The following CASP2 variants were observed in gnomAD, a reference collection of about 807,000 sequenced individuals.
The protein encoded by CASP2 is caspase-2.
Under a neutral mutation model 54.4 loss-of-function variants are expected in CASP2, and 38 were observed. The ratio of observed to expected loss-of-function variants is 0.70; its 90% CI spans 0.54 to 0.92. The LOEUF is 0.92. Among genes scored for constraint, CASP2 ranks in the 40% least tolerant of loss-of-function variants. The pLI, the probability that CASP2 is intolerant of heterozygous loss-of-function variation, is 0.00. For missense variants in CASP2, 512 were observed against 579.6 expected (o/e 0.88, Z 1.20); for synonymous variants, 215 against 216.3 (o/e 0.99, Z 0.05).
At chr7:143,303,598 A>C in intron 8 of CASP2, 186 bp from the exon 9 acceptor site, 1 of 538,926 alleles carries the variant, frequency 1.9e-6, no homozygotes. Flanking sequence ...CCTGAGTAAC[A>C]GATGCATGCT....
chr7:143,298,239 G>T (rs184189036), intron 6 of CASP2, among the ~76,000 whole-genome samples: 91 of 152,328 alleles, frequency 6.0e-4, no homozygotes, highest in African/African-American at 2.1e-3. Context: ...TTGGCAGTGT[G>T]TGTGATTAAA....
intron 6 of CASP2, among the ~76,000 whole-genome samples, chr7:143,298,279 A>G (rs1159988895): frequency 6.6e-6 from 1 of 152,358 alleles, no homozygotes; most frequent in East Asian, 1.9e-4. Context: ...TTCCACCCAG[A>G]TAACTTACTT....
At chr7:143,302,623 C>T (rs1801947765) in intron 8 of CASP2, 1 of 152,196 alleles carries the variant, frequency 6.6e-6, no homozygotes, top group Non-Finnish European at 1.5e-5. Context: ...TAAACCTGTG[C>T]TTTGGTCCTT....
chr7:143,292,215 G>A, intron 2 of CASP2, 85 bp from the exon 3 acceptor site: 1 of 1,363,188 alleles, frequency 7.3e-7, no homozygotes, highest in Non-Finnish European at 1.0e-6. Flanking sequence ...TCTTGGATGA[G>A]GACACTACTA....
In CASP2 at chr7:143,303,778, T is replaced by C. The variant is rs758218020; in HGVS notation, c.968-6T>C. ...TCATTGTCCATTCTGTCTGCCTTTG[T>C]TACAGATGAGACTGATCGTGGGGTT... On this transcript the variant is annotated splice_polypyrimidine_tract_variant and splice_region_variant and intron_variant, in intron 8 of 10. Transcript: ENST00000310447. The C allele has an allele frequency of 7.9e-5, 127 of 1,613,618 alleles. No homozygotes were observed. Among genetic ancestry groups the C allele is most frequent in the Non-Finnish European group, 1.1e-4 (127 of 1,179,716 alleles).
At chr7:143,300,456 T>C (rs893493434) in intron 8 of CASP2, 162 bp downstream of exon 8, 2 of 1,595,874 alleles carry the variant, frequency 1.3e-6, no homozygotes, top group Admixed American at 1.7e-5. Context: ...TGTCTCCCAA[T>C]GCATGGGGTG....
Position 143,305,154 on chromosome 7 carries a change from G to C in CASP2, c.*83G>C, listed in dbSNP as rs918680248. Reference sequence around the variant, plus strand: ...AGAGCCTTTGATCTTCAGGATGCACGGTTTCTGTTCTGCCCCCTCAGGGAT... The same window carrying C: ...AGAGCCTTTGATCTTCAGGATGCACCGTTTCTGTTCTGCCCCCTCAGGGAT... On this transcript the variant is annotated 3_prime_UTR_variant, in exon 11 of 11. Transcript: ENST00000310447. The C allele has an allele frequency of 2.0e-5, 31 of 1,555,782 alleles. No homozygotes were observed. The highest frequency in any genetic ancestry group is 8.0e-6 in the Non-Finnish European group (9 of 1,130,372).
Position 143,305,122 on chromosome 7 carries a change from G to A in CASP2, c.*51G>A. On this transcript the variant is annotated 3_prime_UTR_variant, in exon 11 of 11. Transcript: ENST00000310447. ...AGTGGAAGCCACTGGACCACAGGAG[G>A]TGTGATAGAGCCTTTGATCTTCAGG... The A allele has an allele frequency of 1.2e-6, 2 of 1,610,236 alleles. No individual in the cohort carries two copies. The highest frequency in any genetic ancestry group is 1.7e-6 in the Non-Finnish European group (2 of 1,176,682).
intron 6 of CASP2, among the ~76,000 whole-genome samples, chr7:143,296,193 A>G (rs1421411894): frequency 2.6e-5 from 4 of 152,216 alleles, no homozygotes; most frequent in Admixed American, 2.6e-4. Flanking sequence ...CATAAATAGC[A>G]TTTCCATTTA....
intron 5 of CASP2, 49 bp downstream of exon 5, chr7:143,294,373 C>T (rs756482903): frequency 1.5e-6 from 2 of 1,302,558 alleles, no homozygotes; most frequent in African/African-American, 1.5e-5. Flanking sequence ...AAATTAGACA[C>T]CCTTCCTGGG....
At chr7:143,290,981 G>C (rs997395254) in intron 1 of CASP2, 6 of 160,006 alleles carry the variant, frequency 3.7e-5, no homozygotes, top group Admixed American at 6.0e-5. Context: ...ATCTTAACAG[G>C]ATTCGCCATT....
Position 143,305,180 on chromosome 7 carries a change from G to A in CASP2, c.*109G>A, listed in dbSNP as rs1329954156. On this transcript the variant is annotated 3_prime_UTR_variant, in exon 11 of 11. Coordinates refer to ENST00000310447, the MANE Select transcript of CASP2 (RefSeq NM_032982.4). The stretch of plus-strand genomic sequence containing the variant: ...GTTTCTGTTCTGCCCCCTCAGGGAT[G>A]TGGGAATCTCCCAGACTTGTTTCCT... 2 of 1,393,298 alleles carry A rather than the reference G, an allele frequency of 1.4e-6. No individual in the cohort carries two copies. Among genetic ancestry groups the A allele is most frequent in the Middle Eastern group, 2.0e-4 (1 of 4,960 alleles). 86.3% of individuals were successfully genotyped at this position (1,393,298 alleles called of 1,614,324 possible). A position where few individuals can be genotyped will look rare whatever the true frequency, so the allele number is the denominator to read the frequency against.
chr7:143,289,592 G>A, intron 1 of CASP2: 4 of 981,590 alleles, frequency 4.1e-6, no homozygotes, highest in Non-Finnish European at 4.8e-6. Flanking sequence ...GAAACCAGAG[G>A]AAGAGAACGA....
intron 1 of CASP2, among the ~76,000 whole-genome samples, chr7:143,291,338 C>A (rs905741389): frequency 1.3e-5 from 2 of 152,190 alleles, no homozygotes; most frequent in African/African-American, 4.8e-5. Context: ...GAACATAAAC[C>A]ATAAGGAATT....
chr7:143,292,115 C>G (rs1029619977), intron 2 of CASP2, among the ~76,000 whole-genome samples, 185 bp from the exon 3 acceptor site: 10 of 152,066 alleles, frequency 6.6e-5, no homozygotes, highest in African/African-American at 2.4e-4. Flanking sequence ...AAATGCCCTT[C>G]TACCGTAGAG....
At position 143,293,114 on chromosome 7, in the gene CASP2, GTT is replaced by G. The variant is rs11287848; in HGVS notation, c.475+430_475+431del. ...TGTCCTAACATGAGCCCTTTTTTTT[GTT>G]TTTTTTTTTTTTTGTTGTGTTTTTT... On this transcript the variant is annotated intron_variant, in intron 4 of 10. Coordinates refer to ENST00000310447, the MANE Select transcript of CASP2 (RefSeq NM_032982.4). The G allele has an allele frequency of 8.6e-3, 4,822 of 557,526 alleles. 2 individuals are homozygous for G. The highest frequency in any genetic ancestry group is 0.014 in the African/African-American group (639 of 44,674). 34.5% of individuals were successfully genotyped at this position (557,526 alleles called of 1,614,324 possible).
At chr7:143,304,649 G>A (rs1191052131) in intron 9 of CASP2, 25 bp from the exon 10 acceptor site, 2 of 1,557,674 alleles carry the variant, frequency 1.3e-6, no homozygotes, top group Non-Finnish European at 1.8e-6. Flanking sequence ...CATTCACACT[G>A]TGATTAATGC....
intron 6 of CASP2, among the ~76,000 whole-genome samples, chr7:143,297,576 A>G (rs1207629867): frequency 6.6e-6 from 1 of 152,118 alleles, no homozygotes; most frequent in African/African-American, 2.4e-5. Flanking sequence ...CCTCCTGAGT[A>G]GCTGGGATTA....
At position 143,299,974 on chromosome 7, in the gene CASP2, A is replaced by G; in HGVS notation, c.799A>G (p.Thr267Ala). Reference sequence around the variant, plus strand: ...TGCACAGTTACCTGCACACCGAGTCACGGACTCCTGCATCGTGGCACTCCT... The same window carrying G: ...TGCACAGTTACCTGCACACCGAGTCGCGGACTCCTGCATCGTGGCACTCCT... ...NFAQLPAHRV[T>A]DSCIVALLSH... Residue 267 changes from threonine (T) to alanine (A), a missense_variant, in exon 7 of 11, where the codon ACG becomes GCG. Thr to Ala is a moderately conservative substitution (Grantham distance 58, BLOSUM62 0). Around this residue, in one of 3 missense-constraint regions of CASP2, gnomAD observed 417 missense variants for 495.4 expected, o/e 0.84. Coordinates refer to ENST00000310447, the MANE Select transcript of CASP2 (RefSeq NM_032982.4). The G allele has an allele frequency of 1.9e-6, 3 of 1,614,176 alleles. No homozygotes were observed. The highest frequency in any genetic ancestry group is 1.7e-6 in the Non-Finnish European group (2 of 1,180,020).
Sources: gnomAD v4.1 joint callset for allele counts (sites outside exome capture counted in the v4.1 genomes callset) on GRCh38, gnomAD v4.1.1 for gene constraint, gnomAD v4.1.1 regional missense constraint, MANE v1.5 for transcripts, NCBI Gene and HGNC (gene_info 2026-07-23, HGNC 2026-07-21) for gene names.